SLC2A9: variants seen among roughly 807,000 people sequenced by gnomAD.
SLC2A9 encodes the protein solute carrier family 2 member 9.
A neutral mutation model predicts 50.6 loss-of-function variants in SLC2A9; 39 were observed. The ratio of observed to expected loss-of-function variants is 0.77; its 90% CI spans 0.60 to 1.01. SLC2A9 has a LOEUF of 1.01. Among genes scored for constraint, SLC2A9 ranks in the 50% least tolerant of loss-of-function variants. The pLI is 0.00. For synonymous variants in SLC2A9, 324 were observed against 276.9 expected (o/e 1.17, Z -1.69); for missense variants, 686 against 677.6 (o/e 1.01, Z -0.14).
At chr4:9,805,616 G>A (rs528443232) in intron 3 of SLC2A9, among the ~76,000 whole-genome samples, 4 of 151,324 alleles carry the variant, frequency 2.6e-5, no homozygotes, top group African/African-American at 7.3e-5. Context: ...CACAAGACTC[G>A]CTTGAACCTG....
At chr4:10,004,112 A>G (rs916473319) in intron 2 of SLC2A9, among the ~76,000 whole-genome samples, 4 of 152,218 alleles carry the variant, frequency 2.6e-5, no homozygotes, top group African/African-American at 9.6e-5. Context: ...TGATGATATC[A>G]ATACCTCTGT....
At chr4:10,002,627 C>G (rs1314177258) in intron 2 of SLC2A9, among the ~76,000 whole-genome samples, 2 of 152,172 alleles carry the variant, frequency 1.3e-5, no homozygotes, top group South Asian at 2.1e-4. Flanking sequence ...CCAAGGCAGG[C>G]AGATCACCTG....
chr4:9,900,811 A>T (rs577277024), intron 8 of SLC2A9, among the ~76,000 whole-genome samples: 6 of 152,232 alleles, frequency 3.9e-5, no homozygotes, highest in African/African-American at 1.4e-4. Flanking sequence ...TGTCCAGTGA[A>T]GGGGGAAGTC....
chr4:10,005,201 G>T (rs1021144571), intron 2 of SLC2A9, among the ~76,000 whole-genome samples: 1 of 152,202 alleles, frequency 6.6e-6, no homozygotes, highest in Non-Finnish European at 1.5e-5. Context: ...AGCCAAGAAA[G>T]GCTGTGGAAT....
chr4:9,783,118 C>G (rs143226097), intron 3 of SLC2A9: 279 of 1,614,108 alleles, frequency 1.7e-4, no homozygotes, highest in Non-Finnish European at 2.3e-4. Context: ...CCTTCAACGC[C>G]GACTTTCAGA....
chr4:9,887,552 G>T lies in SLC2A9; in HGVS notation c.1291+15C>A. On this transcript the variant is annotated intron_variant, in intron 10 of 11. Coordinates refer to ENST00000264784, the MANE Select transcript of SLC2A9 (RefSeq NM_020041.3). ...AGTCCCTGGGCGGGGCAGTGGGGAG[G>T]GTGGGGTGCCTTACCTGGCCCACTG... The T allele has an allele frequency of 6.4e-7, 1 of 1,553,284 alleles. No homozygotes were observed. The highest frequency in any genetic ancestry group is 8.7e-7 in the Non-Finnish European group (1 of 1,149,086).
intron 6 of SLC2A9, among the ~76,000 whole-genome samples, chr4:9,932,492 T>C (rs1361700532): frequency 6.6e-6 from 1 of 152,128 alleles, no homozygotes; most frequent in African/African-American, 2.4e-5. Flanking sequence ...TAATGAGTGC[T>C]AAAAAGAAAA....
Position 9,806,210 on chromosome 4 carries a change from G to A in SLC2A9, n.421-6969C>T, listed in dbSNP as rs528393611. ...ATCTCTGCAGCACTGTGACATGCTC[G>A]TGATGGCCTTGACACCCACACTGAA... On this transcript the variant is annotated intron_variant and non_coding_transcript_variant, in intron 3 of 3. Coordinates refer to the SLC2A9 transcript ENST00000503280. Among the ~76,000 whole-genome samples the A allele has an allele frequency of 6.6e-5, 10 of 152,324 alleles. No homozygotes were observed. In the South Asian group the frequency reaches 1.0e-3, roughly 16 times the overall value.
intron 5 of SLC2A9, among the ~76,000 whole-genome samples, chr4:9,966,741 T>C (rs1402101447): frequency 2.0e-5 from 3 of 152,220 alleles, no homozygotes; most frequent in Non-Finnish European, 4.4e-5. Context: ...TAGAAACTAG[T>C]ACAATTATTA....
At chr4:10,000,618 C>T (rs116449637) in intron 2 of SLC2A9, among the ~76,000 whole-genome samples, 1,767 of 152,262 alleles carry the variant, frequency 0.012, 11 homozygotes, top group Middle Eastern at 0.02. Flanking sequence ...TGGCTACATG[C>T]TTTTCTATTC....
At chr4:9,783,020 G>T in intron 3 of SLC2A9, 1 of 1,614,220 alleles carries the variant, frequency 6.2e-7, no homozygotes, top group Non-Finnish European at 8.5e-7. Flanking sequence ...AGGCCCTCCG[G>T]CCGGCTTCCC....
At chr4:10,036,674 T>C (rs1333889304) in intron 1 of SLC2A9, among the ~76,000 whole-genome samples, 2 of 152,244 alleles carry the variant, frequency 1.3e-5, no homozygotes, top group East Asian at 3.8e-4. Context: ...TTTTCTCCCT[T>C]TTTCCAATAC....
intron 3 of SLC2A9, among the ~76,000 whole-genome samples, chr4:9,780,438 G>A (rs545599482): frequency 1.3e-5 from 2 of 152,272 alleles, no homozygotes; most frequent in East Asian, 3.9e-4. Flanking sequence ...AGCACTGAGG[G>A]GGAAGGAGGT....
chr4:9,910,999 GGT>G (rs1202907913), intron 7 of SLC2A9, among the ~76,000 whole-genome samples: 2 of 151,850 alleles, frequency 1.3e-5, no homozygotes, highest in Non-Finnish European at 2.9e-5. Context: ...GGCCTGTTGG[GGT>G]GTGGGGGGGC....
intron 10 of SLC2A9, among the ~76,000 whole-genome samples, chr4:9,836,798 C>A (rs966448884): frequency 6.6e-6 from 1 of 152,096 alleles, no homozygotes; most frequent in Non-Finnish European, 1.5e-5. Flanking sequence ...TTGGGGCAGT[C>A]CAGGGAGGAG....
At chr4:9,998,900 A>G (rs1193857432) in intron 2 of SLC2A9, among the ~76,000 whole-genome samples, 2 of 152,196 alleles carry the variant, frequency 1.3e-5, no homozygotes, top group African/African-American at 2.4e-5. Context: ...CAAAAACAAA[A>G]CATACACAGT....
intron 10 of SLC2A9, among the ~76,000 whole-genome samples, chr4:9,842,030 T>C (rs1459585221): frequency 6.6e-6 from 1 of 152,240 alleles, no homozygotes; most frequent in African/African-American, 2.4e-5. Context: ...TTATCCTTTA[T>C]TGGCTGCTAG....
At chr4:10,013,625 G>T (rs1762140345) in intron 2 of SLC2A9, among the ~76,000 whole-genome samples, 2 of 152,346 alleles carry the variant, frequency 1.3e-5, no homozygotes, top group South Asian at 2.1e-4. Flanking sequence ...GTGCCCAGAG[G>T]CGAGTTATTT....
At chr4:10,028,653 G>C (rs1763830654) in intron 1 of SLC2A9, among the ~76,000 whole-genome samples, 1 of 152,158 alleles carries the variant, frequency 6.6e-6, no homozygotes, top group Non-Finnish European at 1.5e-5. Context: ...TTCTAGGAAG[G>C]GGGGCGGTTA....
Sources: allele counts gnomAD v4.1 joint callset (sites outside exome capture counted in the v4.1 genomes callset), GRCh38; gene constraint gnomAD v4.1.1; transcripts MANE v1.5; gene names NCBI Gene and HGNC (gene_info 2026-07-23, HGNC 2026-07-21).